Variants in ITGB6 observed in about 807,000 individuals in gnomAD.
ITGB6 encodes the protein integrin beta-6.
Under a neutral mutation model 84.5 loss-of-function variants are expected in ITGB6, and 80 were observed. The observed-to-expected ratio is 0.95, with a 90% CI of 0.79 to 1.14. The LOEUF (loss-of-function observed/expected upper bound fraction) is 1.14. Ranked by LOEUF, ITGB6 falls within the 50% of genes most tolerant of loss-of-function variation. The pLI, the probability that ITGB6 is intolerant of heterozygous loss-of-function variation, is 0.00. For synonymous variants in ITGB6, 383 were observed against 354.9 expected (o/e 1.08, Z -0.89); for missense variants, 1,006 against 968.0 (o/e 1.04, Z -0.52).
chr2:160,107,145 GT>G (rs1696942412), intron 14 of ITGB6, among the ~76,000 whole-genome samples: 1 of 152,030 alleles, frequency 6.6e-6, no homozygotes, highest in African/African-American at 2.4e-5. Flanking sequence ...TCAGGTCTCT[GT>G]TTAAAATTTA....
chr2:160,156,598 C>T (rs1019102905), intron 7 of ITGB6, among the ~76,000 whole-genome samples: 11 of 152,154 alleles, frequency 7.2e-5, no homozygotes, highest in Non-Finnish European at 1.2e-4. Flanking sequence ...CCTACCACCA[C>T]CAGGAAAAGA....
intron 12 of ITGB6, 96 bp downstream of exon 12, chr2:160,123,695 C>T (rs1683127015): frequency 1.2e-6 from 1 of 857,300 alleles, no homozygotes; most frequent in African/African-American, 1.7e-5. Context: ...CAAATAAGGT[C>T]AAGCTACTAA....
chr2:160,117,421 A>G (rs541722476), intron 12 of ITGB6, among the ~76,000 whole-genome samples: 2 of 152,254 alleles, frequency 1.3e-5, no homozygotes, highest in African/African-American at 4.8e-5. Context: ...ACTACTGGGT[A>G]CATAACGAAA....
intron 3 of ITGB6, 109 bp downstream of exon 3, chr2:160,196,107 G>A (rs1436512461): frequency 6.5e-6 from 6 of 923,804 alleles, no homozygotes; most frequent in East Asian, 5.0e-5. Flanking sequence ...TGGGAAATTC[G>A]AGTCATAATA....
intron 7 of ITGB6, among the ~76,000 whole-genome samples, chr2:160,144,772 TA>T: frequency 6.6e-6 from 1 of 152,326 alleles, no homozygotes; most frequent in Non-Finnish European, 1.5e-5. Context: ...AACATAACTA[TA>T]ATCCTGCATG....
Position 160,104,357 on chromosome 2 carries a change from C to T in ITGB6, c.2269-2523G>A, listed in dbSNP as rs562720868. The stretch of plus-strand genomic sequence containing the variant: ...CCACACTGCCTCCTCTAGTGCTCTG[C>T]TGATTGTAACCTCTCTACACAGACT... On this transcript the variant is annotated intron_variant, in intron 14 of 14. Transcript: ENST00000283249. 7.9e-4 allele frequency among the ~76,000 whole-genome samples: 121 copies of T among 152,282 alleles called. 1 individual carries two copies. Among genetic ancestry groups the T allele is most frequent in the African/African-American group, 2.8e-3 (116 of 41,552 alleles).
chr2:160,117,126 A>G (rs1049941825), intron 12 of ITGB6, among the ~76,000 whole-genome samples: 3 of 151,938 alleles, frequency 2.0e-5, no homozygotes, highest in African/African-American at 7.3e-5. Context: ...GTTAACAAGG[A>G]TACCCAGGAA....
At chr2:160,166,215 A>T (rs560151965) in intron 7 of ITGB6, among the ~76,000 whole-genome samples, 82 of 152,320 alleles carry the variant, frequency 5.4e-4, no homozygotes, top group African/African-American at 1.9e-3. Flanking sequence ...AGAGATATTA[A>T]TCAGTGGTCA....
At chr2:160,157,751 A>AAG (rs1684679026) in intron 7 of ITGB6, among the ~76,000 whole-genome samples, 1 of 135,940 alleles carries the variant, frequency 7.4e-6, no homozygotes, top group African/African-American at 2.7e-5. Context: ...ACAGAGGCAA[A>AAG]AAAAAAAAAA....
At chr2:160,190,315 T>C (rs1240989577) in intron 4 of ITGB6, among the ~76,000 whole-genome samples, 1 of 152,008 alleles carries the variant, frequency 6.6e-6, no homozygotes, top group Non-Finnish European at 1.5e-5. Context: ...GTAACAAACC[T>C]GCACGTTGTG....
rs781527055 is a variant in ITGB6, at chr2:160,142,114, G to A, written c.1018-43C>T. ...GTAAGTCAATCTTTGTTTCCTCATG[G>A]TAATTGAGAAAAGTGTGGGTTTGAG... On this transcript the variant is annotated intron_variant, in intron 7 of 14. Transcript: ENST00000283249. 15 of 1,290,208 alleles carry A rather than the reference G, an allele frequency of 1.2e-5. No individual in the cohort carries two copies. In the East Asian group the frequency reaches 1.7e-4, roughly 15 times the overall value. 79.9% of individuals were successfully genotyped at this position (1,290,208 alleles called of 1,614,324 possible).
At chr2:160,149,601 TCA>T (rs1357649687) in intron 7 of ITGB6, among the ~76,000 whole-genome samples, 1 of 152,184 alleles carries the variant, frequency 6.6e-6, no homozygotes, top group Non-Finnish European at 1.5e-5. Context: ...GGACAGAGAA[TCA>T]CTTTGACAAG....
At chr2:160,113,113 C>A (rs1682599699) in intron 12 of ITGB6, among the ~76,000 whole-genome samples, 1 of 152,158 alleles carries the variant, frequency 6.6e-6, no homozygotes, top group Admixed American at 6.5e-5. Context: ...ACGTTTTTCT[C>A]CTAATCTAAA....
At chr2:160,142,303 G>C (rs1684029367) in intron 7 of ITGB6, among the ~76,000 whole-genome samples, 1 of 152,142 alleles carries the variant, frequency 6.6e-6, no homozygotes, top group Non-Finnish European at 1.5e-5. Context: ...TAGGGTCTGT[G>C]GTTGCCATGG....
chr2:160,149,620 G>C (rs1170914632), intron 7 of ITGB6, among the ~76,000 whole-genome samples: 1 of 152,172 alleles, frequency 6.6e-6, no homozygotes, highest in African/African-American at 2.4e-5. Flanking sequence ...CAAGTTGACA[G>C]AAGTAGGCTT....
intron 4 of ITGB6, among the ~76,000 whole-genome samples, chr2:160,181,756 C>T (rs1022439703): frequency 2.0e-5 from 3 of 152,178 alleles, no homozygotes; most frequent in African/African-American, 7.2e-5. Flanking sequence ...TGACATCTGG[C>T]GGGTGCCCCT....
intron 12 of ITGB6, among the ~76,000 whole-genome samples, chr2:160,116,159 G>A (rs1442489746): frequency 6.6e-6 from 1 of 150,518 alleles, no homozygotes; most frequent in African/African-American, 2.5e-5. Context: ...GAAATACAGA[G>A]AACGCCACAA....
At chr2:160,147,505 A>G (rs922932692) in intron 7 of ITGB6, among the ~76,000 whole-genome samples, 2 of 152,256 alleles carry the variant, frequency 1.3e-5, no homozygotes, top group Admixed American at 1.3e-4. Context: ...ATGGAAAGGC[A>G]AATGATCCAG....
chr2:160,199,918 A>G (rs938741489), intron 1 of ITGB6, 85 bp downstream of exon 1: 61 of 1,026,110 alleles, frequency 5.9e-5, no homozygotes, highest in Non-Finnish European at 9.0e-5. Flanking sequence ...CAAATAAAAC[A>G]TGACTTCAGA....
Sources: allele counts gnomAD v4.1 joint callset (sites outside exome capture counted in the v4.1 genomes callset), GRCh38; gene constraint gnomAD v4.1.1; transcripts MANE v1.5; gene names NCBI Gene and HGNC (gene_info 2026-07-23, HGNC 2026-07-21).